The following MYOM2 variants were observed in gnomAD, a reference collection of about 807,000 sequenced individuals.
MYOM2 encodes the protein myomesin 2.
A neutral mutation model predicts 187.6 loss-of-function variants in MYOM2; 254 were observed. The observed-to-expected ratio is 1.35, with a 90% CI of 1.22 to 1.50. MYOM2 has a LOEUF of 1.50. MYOM2 is among the 40% of genes most tolerant of loss of function. The pLI is 0.00. For synonymous variants in MYOM2, 981 were observed against 753.8 expected (o/e 1.30, Z -4.94); for missense variants, 2,796 against 1,924.0 (o/e 1.45, Z -8.48).
intron 28 of MYOM2, among the ~76,000 whole-genome samples, chr8:2,118,344 A>C (rs75479687): frequency 6.6e-6 from 1 of 152,200 alleles, no homozygotes; most frequent in Non-Finnish European, 1.5e-5. Flanking sequence ...GTTTCGTTTA[A>C]CAATGTAGTA....
chr8:2,081,060 A>T (rs532731525), intron 13 of MYOM2, among the ~76,000 whole-genome samples: 1 of 136,192 alleles, frequency 7.3e-6, no homozygotes, highest in Non-Finnish European at 1.5e-5. Context: ...GTGCAGAATG[A>T]GGTTTGGTTC....
chr8:2,079,224 T>C (rs1007412353), intron 12 of MYOM2, among the ~76,000 whole-genome samples: 1 of 152,052 alleles, frequency 6.6e-6, no homozygotes, highest in African/African-American at 2.4e-5. Context: ...CCATTGGTGA[T>C]ATAATTTCAA....
intron 14 of MYOM2, among the ~76,000 whole-genome samples, chr8:2,087,906 G>T (rs889575070): frequency 6.6e-6 from 1 of 152,194 alleles, no homozygotes; most frequent in African/African-American, 2.4e-5. Context: ...AGACACTTTA[G>T]TGTGTTTACA....
chr8:2,081,043 C>G (rs1819606726), intron 13 of MYOM2, among the ~76,000 whole-genome samples: 1 of 143,624 alleles, frequency 7.0e-6, no homozygotes, highest in East Asian at 2.1e-4. Flanking sequence ...AACAGGCAGC[C>G]CAGCCCGTGC....
intron 21 of MYOM2, among the ~76,000 whole-genome samples, chr8:2,104,094 G>T (rs769754123): frequency 1.3e-5 from 2 of 152,280 alleles, no homozygotes; most frequent in Middle Eastern, 3.4e-3. Context: ...CAAGCCACGT[G>T]CAGGAAGGAG....
rs916654866 is a variant in MYOM2 at position 2,086,443 on chromosome 8, C to A, written c.1644+1053C>A. 5.1e-5 allele frequency among the ~76,000 whole-genome samples: 7 copies of A among 137,166 alleles called. 1 individual carries two copies. Among genetic ancestry groups the A allele is most frequent in the Admixed American group, 1.4e-4 (2 of 14,118 alleles). 90.0% of individuals were successfully genotyped at this position (137,166 alleles called of 152,430 possible). On this transcript the variant is annotated intron_variant, in intron 14 of 36. Coordinates refer to ENST00000262113, the MANE Select transcript of MYOM2 (RefSeq NM_003970.4). ...ACTGTTGTGATCTCTGCGTGGCCCC[C>A]TACTGTCGTGATCTCCACGTGGCCA...
At chr8:2,118,069 C>T (rs1797307863) in intron 28 of MYOM2, 117 bp downstream of exon 28, 3 of 836,002 alleles carry the variant, frequency 3.6e-6, no homozygotes, top group Admixed American at 5.1e-5. Context: ...ACGTGTGGTG[C>T]CTGTGTAGCT....
intron 6 of MYOM2, among the ~76,000 whole-genome samples, chr8:2,065,385 A>G (rs909172888): frequency 6.6e-5 from 10 of 152,316 alleles, no homozygotes; most frequent in Non-Finnish European, 1.3e-4. Context: ...CCTGAGCAAC[A>G]TGGTGAAACC....
In MYOM2 at chr8:2,094,053, C is replaced by T; in HGVS notation, c.2087C>T (p.Ser696Phe). The change falls in exon 17 of 37, where the codon TCC becomes TTC. Residue 696 changes from serine to phenylalanine, a missense_variant. Ser to Phe is a radical substitution (Grantham distance 155). Transcript: ENST00000262113. The part of the protein sequence containing the change: ...AVNAVGMSEN[S>F]QESDVIKVQA... Reference sequence around the variant, plus strand: ...AATGCTGTGGGGATGAGTGAAAATTCCCAGGAATCAGACGTCATAAAAGTG... The same window carrying T: ...AATGCTGTGGGGATGAGTGAAAATTTCCAGGAATCAGACGTCATAAAAGTG... 9.9e-6 allele frequency: 16 copies of T among 1,614,140 alleles called. No individual in the cohort carries two copies. Among genetic ancestry groups the T allele is most frequent in the Non-Finnish European group, 1.4e-5 (16 of 1,180,034 alleles).
intron 36 of MYOM2, among the ~76,000 whole-genome samples, 197 bp from the exon 37 acceptor site, chr8:2,144,467 G>A (rs1024248998): frequency 6.6e-6 from 1 of 152,186 alleles, no homozygotes; most frequent in Non-Finnish European, 1.5e-5. Flanking sequence ...CGCCTGTGAA[G>A]TGGTGAACCT....
At chr8:2,064,782 C>T (rs958508871) in intron 6 of MYOM2, among the ~76,000 whole-genome samples, 66 of 151,912 alleles carry the variant, frequency 4.3e-4, no homozygotes, top group Admixed American at 1.9e-3. Context: ...CTCCTCCATC[C>T]CCCTCCTCCT....
At chr8:2,058,558 T>C (rs1423807811) in intron 5 of MYOM2, among the ~76,000 whole-genome samples, 1 of 152,242 alleles carries the variant, frequency 6.6e-6, no homozygotes, top group Non-Finnish European at 1.5e-5. Flanking sequence ...TATCAACATA[T>C]ATTGCTAAAG....
rs770761904 is a variant in MYOM2, at chr8:2,090,116, G to A, written c.1753G>A (p.Val585Met). 1.7e-5 allele frequency: 27 copies of A among 1,613,996 alleles called. No homozygotes were observed. Among genetic ancestry groups the A allele is most frequent in the Admixed American group, 3.3e-5 (2 of 59,998 alleles). ...LMEGKSYVFR[V>M]LSANRHGLSE... ...GGAAGGGAAGTCTTATGTGTTCCGA[G>A]TGCTGTCAGCAAACCGGCATGGCCT... Residue 585 changes from valine to methionine, a missense_variant, in exon 15 of 37, where the codon GTG becomes ATG. By Grantham distance (21) the Val-to-Met change is conservative. Coordinates refer to ENST00000262113, the MANE Select transcript of MYOM2 (RefSeq NM_003970.4).
chr8:2,145,002 G>C lies in MYOM2; in HGVS notation c.*21G>C, dbSNP rs1798414296. ...AGTGAAGGCGTTTTCCTAGCCTGGA[G>C]ATGGGAAAATATGCTTGGCAGAGAC... On this transcript the variant is annotated 3_prime_UTR_variant, in exon 37 of 37. Transcript: ENST00000262113. The C allele has an allele frequency of 4.3e-6, 7 of 1,609,924 alleles. No homozygotes were observed. Among genetic ancestry groups the C allele is most frequent in the Non-Finnish European group, 5.9e-6 (7 of 1,178,944 alleles).
intron 11 of MYOM2, 148 bp from the exon 12 acceptor site, chr8:2,078,586 A>G: frequency 1.5e-6 from 1 of 669,770 alleles, no homozygotes; most frequent in Non-Finnish European, 2.6e-6. Flanking sequence ...GTTTATCTAT[A>G]CAAGTCAATA....
intron 6 of MYOM2, among the ~76,000 whole-genome samples, chr8:2,066,135 C>T (rs1002032138): frequency 6.6e-6 from 1 of 152,190 alleles, no homozygotes; most frequent in Non-Finnish European, 1.5e-5. Context: ...TTGGGGACAG[C>T]CCGTGCCCTG....
At chr8:2,104,486 T>C (rs1271173414) in intron 21 of MYOM2, among the ~76,000 whole-genome samples, 2 of 151,700 alleles carry the variant, frequency 1.3e-5, no homozygotes, top group African/African-American at 4.8e-5. Flanking sequence ...GCGCCTGTAG[T>C]CCCAGCTACT....
At chr8:2,098,728 G>A (rs1443279738) in intron 18 of MYOM2, 129 bp from the exon 19 acceptor site, 8 of 1,047,126 alleles carry the variant, frequency 7.6e-6, no homozygotes, top group Non-Finnish European at 1.1e-5. Flanking sequence ...GAAATATTTG[G>A]TCCAATTTCC....
Position 2,106,716 on chromosome 8 carries a change from C to T in MYOM2, c.2998+119C>T, listed in dbSNP as rs559868257. On this transcript the variant is annotated intron_variant, in intron 23 of 36. Coordinates refer to ENST00000262113, the MANE Select transcript of MYOM2 (RefSeq NM_003970.4). ...AAGACGTATGTTTGCAGGAGGCTGGCGGTGGGGGCTATGTATATAAGCCAA... is the reference window on the plus strand; with the variant it reads ...AAGACGTATGTTTGCAGGAGGCTGGTGGTGGGGGCTATGTATATAAGCCAA... 4.1e-4 allele frequency: 296 copies of T among 717,528 alleles called. 3 individuals carry two copies. The highest frequency in any genetic ancestry group is 7.1e-4 in the South Asian group (35 of 49,590). 44.4% of individuals were successfully genotyped at this position (717,528 alleles called of 1,614,324 possible).
Sources: allele counts gnomAD v4.1 joint callset (sites outside exome capture counted in the v4.1 genomes callset), GRCh38; gene constraint gnomAD v4.1.1; transcripts MANE v1.5; gene names NCBI Gene and HGNC (gene_info 2026-07-23, HGNC 2026-07-21).